Variants in BTG4 observed in about 807,000 individuals in gnomAD.
BTG4 encodes the protein protein BTG4.
A neutral mutation model predicts 19.3 loss-of-function variants in BTG4; 10 were observed. The ratio of observed to expected loss-of-function variants is 0.52; its 90% confidence interval spans 0.32 to 0.88. BTG4 has a LOEUF of 0.88. Ranked by LOEUF, BTG4 falls within the 40% of genes least tolerant of loss-of-function variation. BTG4 has a pLI of 0.04. For synonymous variants in BTG4, 91 were observed against 95.7 expected (o/e 0.95, Z 0.29); for missense variants, 238 against 281.9 (o/e 0.84, Z 1.11).
chr11:111,495,300 T>C lies in BTG4; in HGVS notation c.525A>G (p.Lys175=). The C allele has an allele frequency of 3.1e-6, 5 of 1,611,558 alleles. No homozygotes were observed. The South Asian group carries it at 5.5e-5, about 18-fold the overall frequency. Residue 175 remains lysine (K), a synonymous_variant, in exon 5 of 5, where the codon AAA becomes AAG. Coordinates refer to ENST00000692032, the MANE Select transcript of BTG4 (RefSeq NM_001367975.1). ...TTTGTAACCAAGATTGAAAGGGCTG[T>C]TTCAAGTTTTCAACCTGGAAAAAAA... ...PKSIYQVENL[K]QPFQSWLQIP... is the part of the protein sequence containing the mutation.
the BTG4 span, among the ~76,000 whole-genome samples, chr11:111,440,826 C>T: frequency 6.6e-6 from 1 of 152,214 alleles, no homozygotes; most frequent in South Asian, 2.1e-4. Context: ...GAAGGGTTGT[C>T]ACTATGTTGC....
the BTG4 span, among the ~76,000 whole-genome samples, chr11:111,393,695 G>A: frequency 6.6e-6 from 1 of 152,182 alleles, no homozygotes; most frequent in South Asian, 2.1e-4. Flanking sequence ...AGATGCTCTA[G>A]GAGGGAAGGA....
intron 5 of BTG4, among the ~76,000 whole-genome samples, chr11:111,470,332 C>A (rs1863987610): frequency 6.6e-6 from 1 of 152,152 alleles, no homozygotes; most frequent in Non-Finnish European, 1.5e-5. Context: ...ATTCCACCTG[C>A]CTCAGTGTTC....
At position 111,503,911 on chromosome 11, in the gene BTG4, T is replaced by A. The variant is rs148364830; in HGVS notation, c.-26-5109A>T. 2.5e-3 allele frequency among the ~76,000 whole-genome samples: 384 copies of A among 152,276 alleles called. 3 individuals are homozygous for A. The highest frequency in any genetic ancestry group is 8.9e-3 in the African/African-American group (371 of 41,580). ...GTTCTACATTTGTCTTCTTGGTTTTTGCTAAACTTCACTTATAAAATGAAA... is the reference window on the plus strand; with the variant it reads ...GTTCTACATTTGTCTTCTTGGTTTTAGCTAAACTTCACTTATAAAATGAAA... On this transcript the variant is annotated intron_variant, in intron 1 of 4. Coordinates refer to ENST00000692032, the MANE Select transcript of BTG4 (RefSeq NM_001367975.1).
intron 5 of BTG4, among the ~76,000 whole-genome samples, chr11:111,481,290 A>T (rs776059122): frequency 6.6e-6 from 1 of 151,834 alleles, no homozygotes; most frequent in East Asian, 1.9e-4. Context: ...TGAATTTATA[A>T]TTTTTTGATT....
At chr11:111,470,161 T>G (rs1484643724) in intron 5 of BTG4, among the ~76,000 whole-genome samples, 1 of 152,192 alleles carries the variant, frequency 6.6e-6, no homozygotes, top group East Asian at 1.9e-4. Context: ...AGTGATGCCA[T>G]TACAGCTGAC....
At chr11:111,463,618 A>T (rs780763417), downstream of BTG4, 1 of 152,478 alleles carries the variant, frequency 6.6e-6, no homozygotes, top group Non-Finnish European at 1.5e-5. Context: ...TAGGAAGAAC[A>T]TTAGAGGAAC....
At chr11:111,500,167 A>T (rs942427047) in intron 1 of BTG4, among the ~76,000 whole-genome samples, 1 of 152,100 alleles carries the variant, frequency 6.6e-6, no homozygotes, top group East Asian at 1.9e-4. Context: ...AAATAAATTT[A>T]AAAATTCAGA....
chr11:111,412,435 G>A, the BTG4 span, among the ~76,000 whole-genome samples: 1 of 152,112 alleles, frequency 6.6e-6, no homozygotes, highest in Non-Finnish European at 1.5e-5. Flanking sequence ...GTATTTCAGG[G>A]TAATACAATA....
downstream of BTG4, among the ~76,000 whole-genome samples, chr11:111,466,372 A>G (rs913507485): frequency 6.6e-6 from 1 of 152,222 alleles, no homozygotes; most frequent in Non-Finnish European, 1.5e-5. Context: ...ATTCTTAAAT[A>G]TATTTAACAT....
chr11:111,463,348 C>T (rs185800735), downstream of BTG4: 1 of 152,796 alleles, frequency 6.5e-6, no homozygotes, highest in East Asian at 1.9e-4. Context: ...GGAGAATTAC[C>T]CTGGAGACAT....
chr11:111,387,827 T>A, the BTG4 span, among the ~76,000 whole-genome samples: 1 of 152,212 alleles, frequency 6.6e-6, no homozygotes, highest in Non-Finnish European at 1.5e-5. Context: ...GCAAAAAGAA[T>A]ATGTTTCTGG....
the BTG4 span, among the ~76,000 whole-genome samples, chr11:111,437,862 C>A: frequency 5.9e-5 from 9 of 152,170 alleles, no homozygotes; most frequent in Admixed American, 1.3e-4. Flanking sequence ...CTGGTCATAT[C>A]TTTAATGATC....
At chr11:111,470,822 C>A (rs1175569831) in intron 5 of BTG4, among the ~76,000 whole-genome samples, 1 of 152,108 alleles carries the variant, frequency 6.6e-6, no homozygotes, top group Non-Finnish European at 1.5e-5. Context: ...ATTCAGGAGG[C>A]TGAGGCAGAA....
At chr11:111,481,916 C>T (rs1666115116) in intron 5 of BTG4, among the ~76,000 whole-genome samples, 2 of 151,552 alleles carry the variant, frequency 1.3e-5, no homozygotes, top group African/African-American at 4.8e-5. Context: ...AGGAACAAGT[C>T]AAGGATATCT....
At chr11:111,394,357 A>G in the BTG4 span, among the ~76,000 whole-genome samples, 1 of 152,248 alleles carries the variant, frequency 6.6e-6, no homozygotes, top group African/African-American at 2.4e-5. Context: ...ATGGGAGGTA[A>G]TTGAGTCATA....
chr11:111,393,110 G>T, the BTG4 span, among the ~76,000 whole-genome samples: 1 of 152,180 alleles, frequency 6.6e-6, no homozygotes, highest in African/African-American at 2.4e-5. Flanking sequence ...TGAGTGCAAA[G>T]ATTGCTAGGA....
chr11:111,473,840 C>G (rs1261949029), intron 5 of BTG4, among the ~76,000 whole-genome samples: 2 of 152,142 alleles, frequency 1.3e-5, no homozygotes, highest in Non-Finnish European at 2.9e-5. Context: ...CAAAAAGTAG[C>G]TAGAACATGG....
chr11:111,506,531 T>G (rs1467426160), intron 1 of BTG4, among the ~76,000 whole-genome samples: 6 of 152,030 alleles, frequency 3.9e-5, no homozygotes, highest in Admixed American at 3.9e-4. Context: ...TGCCTAATAC[T>G]GGGGTGATAA....
Sources: allele counts gnomAD v4.1 joint callset (sites outside exome capture counted in the v4.1 genomes callset), GRCh38; gene constraint gnomAD v4.1.1; transcripts MANE v1.5; gene names NCBI Gene and HGNC (gene_info 2026-07-23, HGNC 2026-07-21).